The following PAPPA2 variants were observed in gnomAD, a reference collection of about 807,000 sequenced individuals.
PAPPA2 encodes pappalysin-2.
In PAPPA2, 86 loss-of-function variants were observed where a neutral mutation model predicts 176.4. The ratio of observed to expected loss-of-function variants is 0.49; its 90% CI spans 0.41 to 0.58. PAPPA2 has a LOEUF of 0.58. Among genes scored for constraint, PAPPA2 ranks in the 20% least tolerant of loss-of-function variants. The pLI, the probability that PAPPA2 is intolerant of heterozygous loss-of-function variation, is 0.00. For synonymous variants in PAPPA2, 809 were observed against 852.2 expected, an observed-to-expected ratio of 0.95 and a Z score of 0.88; for missense variants, 2,073 against 2,256.9, an observed-to-expected ratio of 0.92 and a Z score of 1.65.
intron 4 of PAPPA2, among the ~76,000 whole-genome samples, chr1:176,673,923 G>A (rs968317099): frequency 6.6e-6 from 1 of 152,062 alleles, no homozygotes; most frequent in Non-Finnish European, 1.5e-5. Context: ...ACAAAAATTA[G>A]AGTTCAGGTT....
chr1:176,773,671 T>A (rs1664330140), intron 17 of PAPPA2, among the ~76,000 whole-genome samples: 1 of 152,216 alleles, frequency 6.6e-6, no homozygotes, highest in Admixed American at 6.5e-5. Context: ...GAATGTCAGG[T>A]AATGTCGTGA....
chr1:176,604,368 C>T (rs1223697957), intron 3 of PAPPA2, among the ~76,000 whole-genome samples: 1 of 152,184 alleles, frequency 6.6e-6, no homozygotes, highest in East Asian at 1.9e-4. Context: ...GGGCGACTCT[C>T]ATACTATAAC....
intron 12 of PAPPA2, among the ~76,000 whole-genome samples, chr1:176,712,327 C>T (rs1220975361): frequency 6.6e-6 from 1 of 152,162 alleles, no homozygotes; most frequent in East Asian, 1.9e-4. Context: ...CCCTCCAAGG[C>T]TCTCTCATGT....
intron 1 of PAPPA2, among the ~76,000 whole-genome samples, chr1:176,550,522 A>G (rs1309982948): frequency 6.6e-6 from 1 of 152,208 alleles, no homozygotes; most frequent in Non-Finnish European, 1.5e-5. Flanking sequence ...ATCTTACAGA[A>G]AACACTTACC....
chr1:176,621,337 G>A (rs1655584336), intron 3 of PAPPA2, among the ~76,000 whole-genome samples: 2 of 152,106 alleles, frequency 1.3e-5, no homozygotes, highest in African/African-American at 4.8e-5. Flanking sequence ...TATGTAATGT[G>A]CTCATTAGGA....
At chr1:176,490,066 G>C (rs144998104) in intron 1 of PAPPA2, among the ~76,000 whole-genome samples, 5 of 152,188 alleles carry the variant, frequency 3.3e-5, no homozygotes, top group African/African-American at 1.2e-4. Context: ...GATTAGAACA[G>C]GTGCTACTTG....
rs1458744717 is a variant in PAPPA2 at position 176,793,545 on chromosome 1, C to A, written c.5021-15C>A. The A allele has an allele frequency of 1.0e-5, 16 of 1,585,894 alleles. No individual in the cohort carries two copies. The highest frequency in any genetic ancestry group is 1.7e-4 in the Middle Eastern group (1 of 6,034). On this transcript the variant is annotated splice_polypyrimidine_tract_variant and intron_variant, in intron 19 of 22. Transcript: ENST00000367662. ...GGGAAGTTCAAGTCTCTGCTGTAAA[C>A]TTCTGTTCTTTCAGGTGCAGTGTGT...
At chr1:176,483,848 G>C (rs968138929) in intron 1 of PAPPA2, among the ~76,000 whole-genome samples, 1 of 152,102 alleles carries the variant, frequency 6.6e-6, no homozygotes, top group South Asian at 2.1e-4. Context: ...AGAGGGAATG[G>C]GGAGAAGCTG....
chr1:176,748,247 G>A (rs1663014335), intron 14 of PAPPA2, among the ~76,000 whole-genome samples: 1 of 152,202 alleles, frequency 6.6e-6, no homozygotes, highest in Middle Eastern at 3.2e-3. Flanking sequence ...TATCCTGAAA[G>A]AGCCACATGC....
chr1:176,524,690 C>G (rs751938300), intron 1 of PAPPA2, among the ~76,000 whole-genome samples: 1 of 152,076 alleles, frequency 6.6e-6, no homozygotes, highest in Non-Finnish European at 1.5e-5. Context: ...GAGCAGAAGT[C>G]TGGTTCTTTC....
At position 176,791,475 on chromosome 1, in the gene PAPPA2, T is replaced by C. The variant is rs1391638552; in HGVS notation, c.5013T>C (p.Tyr1671=). 1 of 1,613,644 alleles carries C rather than the reference T, an allele frequency of 6.2e-7. No individual in the cohort carries two copies. The highest frequency in any genetic ancestry group is 8.5e-7 in the Non-Finnish European group (1 of 1,179,686). Residue 1671 remains tyrosine, a synonymous_variant, in exon 19 of 23, where the codon TAT becomes TAC. Transcript: ENST00000367662. ...NSVEYKCEQG[Y]GIGAVCSPLC... Reference sequence around the variant, plus strand: ...TGGAGTACAAATGTGAACAAGGATATGGGATTGGTAAGGATAGGAGTGAAT... The same window carrying C: ...TGGAGTACAAATGTGAACAAGGATACGGGATTGGTAAGGATAGGAGTGAAT...
chr1:176,558,980 C>T (rs916200985), intron 2 of PAPPA2, among the ~76,000 whole-genome samples: 1 of 152,162 alleles, frequency 6.6e-6, no homozygotes, highest in African/African-American at 2.4e-5. Context: ...CCTGTCCTGT[C>T]CCTCCTGTGT....
At chr1:176,816,152 GTATATATA>G (rs373739173) in intron 21 of PAPPA2, among the ~76,000 whole-genome samples, 4,219 of 42,204 alleles carry the variant, frequency 0.1, 156 homozygotes, top group South Asian at 0.15. Context: ...CTTTCACAGT[GTATATATA>G]TATATATATA....
chr1:176,732,315 C>A (rs1050751737), intron 12 of PAPPA2, among the ~76,000 whole-genome samples: 20 of 152,192 alleles, frequency 1.3e-4, no homozygotes, highest in Non-Finnish European at 1.9e-4. Flanking sequence ...AAAATATACA[C>A]TCAGAAGACC....
At chr1:176,749,305 T>C (rs1026136811) in intron 14 of PAPPA2, among the ~76,000 whole-genome samples, 3 of 152,216 alleles carry the variant, frequency 2.0e-5, no homozygotes, top group African/African-American at 7.2e-5. Context: ...AGAGCAGTTG[T>C]AGGTTCACAG....
chr1:176,738,718 G>T (rs1662532218), intron 12 of PAPPA2, among the ~76,000 whole-genome samples: 1 of 152,120 alleles, frequency 6.6e-6, no homozygotes, highest in Non-Finnish European at 1.5e-5. Context: ...TCAGCTATGG[G>T]AAATAAAACA....
At chr1:176,784,153 T>C (rs535061318) in intron 17 of PAPPA2, among the ~76,000 whole-genome samples, 15 of 152,326 alleles carry the variant, frequency 9.8e-5, no homozygotes, top group Non-Finnish European at 1.6e-4. Context: ...ATGTTTTACA[T>C]GGAGGGTACT....
At chr1:176,538,108 G>A (rs552504461) in intron 1 of PAPPA2, among the ~76,000 whole-genome samples, 1 of 152,056 alleles carries the variant, frequency 6.6e-6, no homozygotes, top group Non-Finnish European at 1.5e-5. Flanking sequence ...TACAAACCTT[G>A]TTTTGACCTC....
At chr1:176,523,717 G>A (rs1005039914) in intron 1 of PAPPA2, among the ~76,000 whole-genome samples, 1 of 152,194 alleles carries the variant, frequency 6.6e-6, no homozygotes, top group Non-Finnish European at 1.5e-5. Context: ...GGGGCTCCTT[G>A]TTAAAAGAGC....
Sources: allele counts gnomAD v4.1 joint callset (sites outside exome capture counted in the v4.1 genomes callset), GRCh38; gene constraint gnomAD v4.1.1; transcripts MANE v1.5; gene names NCBI Gene and HGNC (gene_info 2026-07-23, HGNC 2026-07-21).